PDE7B: variants seen among roughly 807,000 people sequenced by gnomAD.
PDE7B encodes phosphodiesterase 7B.
PDE7B carries 29 observed loss-of-function variants against 56.2 expected under a neutral mutation model. That is an observed-to-expected ratio of 0.52 (90% CI 0.38 to 0.70). The LOEUF is 0.70. Ranked by LOEUF, PDE7B falls within the 30% of genes least tolerant of loss-of-function variation. The pLI is 0.00. For synonymous variants in PDE7B, 197 were observed against 196.9 expected, an observed-to-expected ratio of 1.00 and a Z score of 0.00; for missense variants, 490 against 565.0, an observed-to-expected ratio of 0.87 and a Z score of 1.35.
intron 9 of PDE7B, among the ~76,000 whole-genome samples, chr6:136,175,480 G>A (rs1276805711): frequency 6.6e-6 from 1 of 152,102 alleles, no homozygotes; most frequent in African/African-American, 2.4e-5. Context: ...AGAGAAAACT[G>A]AAACTGCTAG....
intron 8 of PDE7B, among the ~76,000 whole-genome samples, chr6:136,169,492 G>A (rs1049940752): frequency 6.6e-6 from 1 of 152,148 alleles, no homozygotes; most frequent in Admixed American, 6.5e-5. Flanking sequence ...TAATGAAGAT[G>A]TTAAGTCAGG....
intron 3 of PDE7B, among the ~76,000 whole-genome samples, chr6:136,129,733 C>T (rs1778084235): frequency 6.6e-6 from 1 of 152,216 alleles, no homozygotes; most frequent in Non-Finnish European, 1.5e-5. Flanking sequence ...TAGTTCTTCT[C>T]TTTGGCCATT....
chr6:136,160,896 C>T (rs1320657292), intron 8 of PDE7B, among the ~76,000 whole-genome samples: 1 of 151,704 alleles, frequency 6.6e-6, no homozygotes, highest in Non-Finnish European at 1.5e-5. Context: ...AGAAGATGAA[C>T]AAAACAAATA....
At chr6:136,060,139 A>G (rs2128212470) in intron 2 of PDE7B, among the ~76,000 whole-genome samples, 1 of 152,384 alleles carries the variant, frequency 6.6e-6, no homozygotes, top group East Asian at 1.9e-4. Flanking sequence ...AAAAATGAAT[A>G]GCTAATATAT....
intron 3 of PDE7B, among the ~76,000 whole-genome samples, chr6:136,134,474 G>T (rs1055294865): frequency 6.6e-6 from 1 of 151,882 alleles, no homozygotes; most frequent in East Asian, 1.9e-4. Context: ...AGAAGCGGAG[G>T]GTTCAATAAA....
intron 8 of PDE7B, among the ~76,000 whole-genome samples, chr6:136,163,066 C>G (rs1295922666): frequency 2.0e-5 from 3 of 152,190 alleles, no homozygotes; most frequent in Non-Finnish European, 4.4e-5. Context: ...GTCTGGAAGA[C>G]AGTGGCCCTC....
In PDE7B at chr6:136,104,543, C is replaced by T. The variant is rs555090347; in HGVS notation, c.83-4188C>T. On this transcript the variant is annotated intron_variant, in intron 2 of 12. Coordinates refer to ENST00000308191, the MANE Select transcript of PDE7B (RefSeq NM_018945.4). ...TGAATTAATTCTCTCTTCCCACCAG[C>T]GTATTAAAGCAATTTAATATCAGAA... 4.9e-4 allele frequency among the ~76,000 whole-genome samples: 75 copies of T among 152,244 alleles called. 1 individual carries two copies. Among genetic ancestry groups the T allele is most frequent in the African/African-American group, 1.4e-3 (57 of 41,562 alleles).
intron 2 of PDE7B, among the ~76,000 whole-genome samples, chr6:136,006,406 G>T (rs569775829): frequency 6.6e-6 from 1 of 151,802 alleles, no homozygotes; most frequent in African/African-American, 2.4e-5. Context: ...CTCTTTTTTG[G>T]TTCCATATGA....
intron 3 of PDE7B, among the ~76,000 whole-genome samples, chr6:136,135,550 A>G (rs757544839): frequency 2.0e-5 from 3 of 152,054 alleles, no homozygotes; most frequent in Non-Finnish European, 4.4e-5. Flanking sequence ...GCCAAATAAT[A>G]TATTTGGTTG....
At position 135,919,986 on chromosome 6, in the gene PDE7B, ATT is replaced by A. The variant is rs566784615; in HGVS notation, c.22-27475_22-27474del. ...CTTTAAAGTAAATATTGCTATCCTT[ATT>A]TTATAAATAAGAAAACCAAACTTAA... On this transcript the variant is annotated intron_variant, in intron 1 of 12. Coordinates refer to ENST00000308191, the MANE Select transcript of PDE7B (RefSeq NM_018945.4). Among the ~76,000 whole-genome samples, 11 of 152,264 alleles carry A rather than the reference ATT, an allele frequency of 7.2e-5. No homozygotes were observed. The East Asian group carries it at 1.9e-3, about 27-fold the overall frequency.
intron 2 of PDE7B, among the ~76,000 whole-genome samples, chr6:136,029,387 C>T (rs1054458924): frequency 4.6e-5 from 7 of 152,114 alleles, no homozygotes; most frequent in Non-Finnish European, 5.9e-5. Context: ...CTAATTGAGA[C>T]GCACAAACAT....
At chr6:136,065,162 T>C (rs1422386992) in intron 2 of PDE7B, among the ~76,000 whole-genome samples, 1 of 152,206 alleles carries the variant, frequency 6.6e-6, no homozygotes, top group Non-Finnish European at 1.5e-5. Context: ...ACAGCTCGTA[T>C]TTCTCAGTTT....
intron 2 of PDE7B, among the ~76,000 whole-genome samples, chr6:135,967,544 C>T (rs1202881126): frequency 6.6e-6 from 1 of 152,136 alleles, no homozygotes; most frequent in Non-Finnish European, 1.5e-5. Flanking sequence ...GGAGACAGTC[C>T]TGAAATCTGT....
At chr6:136,067,437 T>A (rs1776961471) in intron 2 of PDE7B, among the ~76,000 whole-genome samples, 1 of 152,192 alleles carries the variant, frequency 6.6e-6, no homozygotes, top group African/African-American at 2.4e-5. Context: ...AAGACCTGTA[T>A]ACCCAAAGCC....
intron 2 of PDE7B, among the ~76,000 whole-genome samples, chr6:136,001,207 C>T (rs1239195044): frequency 6.6e-6 from 1 of 152,114 alleles, no homozygotes; most frequent in East Asian, 1.9e-4. Flanking sequence ...TGTACATCAC[C>T]ATCATCAAAG....
chr6:135,894,786 C>T (rs1432850399), intron 1 of PDE7B, among the ~76,000 whole-genome samples: 5 of 152,206 alleles, frequency 3.3e-5, no homozygotes, highest in African/African-American at 4.8e-5. Flanking sequence ...CACATCAGTA[C>T]GAGACGGGTC....
rs1266390215 is a variant in PDE7B, at chr6:136,100,630, CTT to C, written c.83-8099_83-8098del. On this transcript the variant is annotated intron_variant, in intron 2 of 12. Coordinates refer to ENST00000308191, the MANE Select transcript of PDE7B (RefSeq NM_018945.4). ...TGCACATTGATTTTGTATCCTGAGA[CTT>C]TGCTGAAGTTGCTTATCAGCTTAAG... Among the ~76,000 whole-genome samples, 8 of 152,256 alleles carry C rather than the reference CTT, an allele frequency of 5.3e-5. No individual in the cohort carries two copies. In the East Asian group the frequency reaches 1.5e-3, roughly 29 times the overall value.
At chr6:135,924,322 C>A (rs116527019) in intron 1 of PDE7B, among the ~76,000 whole-genome samples, 3,910 of 152,208 alleles carry the variant, frequency 0.026, 58 homozygotes, top group South Asian at 0.045. Context: ...GGATATTGTA[C>A]CATATGGTAG....
At chr6:135,953,041 A>T (rs909520889) in intron 2 of PDE7B, among the ~76,000 whole-genome samples, 1 of 152,128 alleles carries the variant, frequency 6.6e-6, no homozygotes, top group African/African-American at 2.4e-5. Context: ...GTATCTGACG[A>T]CCTGAATTCT....
Sources: allele counts gnomAD v4.1 joint callset (sites outside exome capture counted in the v4.1 genomes callset), GRCh38; gene constraint gnomAD v4.1.1; transcripts MANE v1.5; gene names NCBI Gene and HGNC (gene_info 2026-07-23, HGNC 2026-07-21).